CSGALNACT1: variants seen among roughly 807,000 people sequenced by gnomAD.
CSGALNACT1 encodes chondroitin sulfate N-acetylgalactosaminyltransferase 1, also known as beta4GalNAcT-1.
In CSGALNACT1, 52 loss-of-function variants were observed where a neutral mutation model predicts 51.0. The ratio of observed to expected loss-of-function variants is 1.02; its 90% confidence interval spans 0.82 to 1.29. The LOEUF (loss-of-function observed/expected upper bound fraction) is 1.29, where lower values mean the gene tolerates loss of function less well. Among genes scored for constraint, CSGALNACT1 ranks in the 50% most tolerant of loss-of-function variants. CSGALNACT1 has a pLI of 0.00. For synonymous variants in CSGALNACT1, 341 were observed against 254.4 expected, an observed-to-expected ratio of 1.34 and a Z score of -3.24; for missense variants, 935 against 679.2, an observed-to-expected ratio of 1.38 and a Z score of -4.19.
At chr8:19,509,695 A>C (rs990300927) in intron 3 of CSGALNACT1, among the ~76,000 whole-genome samples, 6 of 151,478 alleles carry the variant, frequency 4.0e-5, no homozygotes, top group African/African-American at 1.4e-4. Context: ...CACCTTGATG[A>C]GACATAACTG....
chr8:19,624,372 C>T (rs2054192001), intron 1 of CSGALNACT1, among the ~76,000 whole-genome samples: 1 of 152,202 alleles, frequency 6.6e-6, no homozygotes, highest in Admixed American at 6.5e-5. Context: ...TCCTACTGAA[C>T]TGCTTACATG....
At chr8:19,641,179 C>T (rs1351255429) in intron 1 of CSGALNACT1, among the ~76,000 whole-genome samples, 1 of 140,610 alleles carries the variant, frequency 7.1e-6, no homozygotes, top group Non-Finnish European at 1.5e-5. Flanking sequence ...CTCTCCCCTT[C>T]ACTTCTCCTC....
chr8:19,712,777 C>A (rs1174672386), intron 1 of CSGALNACT1, among the ~76,000 whole-genome samples: 2 of 152,148 alleles, frequency 1.3e-5, no homozygotes, highest in Non-Finnish European at 1.5e-5. Context: ...AGATGAGCAT[C>A]TCACTGAGGC....
chr8:19,480,193 T>C (rs373115380), intron 4 of CSGALNACT1, among the ~76,000 whole-genome samples: 22 of 152,342 alleles, frequency 1.4e-4, no homozygotes, highest in South Asian at 6.2e-4. Context: ...GAATTTATTG[T>C]ACAGATTATT....
intron 3 of CSGALNACT1, among the ~76,000 whole-genome samples, chr8:19,512,789 G>A (rs2078706166): frequency 6.6e-6 from 1 of 152,024 alleles, no homozygotes; most frequent in African/African-American, 2.4e-5. Flanking sequence ...CTTGAACAAT[G>A]GTCATTAATC....
At chr8:19,683,831 T>C (rs2060806199), upstream of CSGALNACT1, among the ~76,000 whole-genome samples, 1 of 152,000 alleles carries the variant, frequency 6.6e-6, no homozygotes, top group East Asian at 1.9e-4. Context: ...GGAAAAGCTA[T>C]TGAGGGACAG....
chr8:19,528,293 A>C (rs1397290381), intron 3 of CSGALNACT1, among the ~76,000 whole-genome samples: 1 of 151,984 alleles, frequency 6.6e-6, no homozygotes, highest in African/African-American at 2.4e-5. Context: ...AAAAAAAAGC[A>C]AGCAGCCCTT....
At chr8:19,539,351 A>T (rs1017240699) in intron 3 of CSGALNACT1, among the ~76,000 whole-genome samples, 1 of 152,168 alleles carries the variant, frequency 6.6e-6, no homozygotes, top group Non-Finnish European at 1.5e-5. Context: ...TCTGAAATTA[A>T]TCTTATTAAT....
chr8:19,609,742 T>C (rs575893178), intron 1 of CSGALNACT1, among the ~76,000 whole-genome samples: 1 of 152,264 alleles, frequency 6.6e-6, no homozygotes, highest in African/African-American at 2.4e-5. Context: ...TGGGGATGTA[T>C]ATATTTTCGA....
intron 6 of CSGALNACT1, among the ~76,000 whole-genome samples, chr8:19,435,044 C>G (rs1042645964): frequency 1.3e-5 from 2 of 152,168 alleles, no homozygotes; most frequent in African/African-American, 2.4e-5. Context: ...CACATACACT[C>G]TGGCAGGGCA....
intron 1 of CSGALNACT1, among the ~76,000 whole-genome samples, chr8:19,660,330 G>T (rs1349608881): frequency 6.6e-6 from 1 of 152,206 alleles, no homozygotes; most frequent in Non-Finnish European, 1.5e-5. Context: ...GATCTTAACT[G>T]CACAACCTCA....
intron 5 of CSGALNACT1, among the ~76,000 whole-genome samples, chr8:19,452,244 G>A (rs935661443): frequency 1.3e-5 from 2 of 152,216 alleles, no homozygotes; most frequent in African/African-American, 4.8e-5. Flanking sequence ...TCAGGTGAGA[G>A]AAGGCAGCCT....
chr8:19,591,703 C>T (rs757557917), intron 2 of CSGALNACT1, among the ~76,000 whole-genome samples: 48 of 151,892 alleles, frequency 3.2e-4, no homozygotes, highest in Non-Finnish European at 5.4e-4. Flanking sequence ...GCAGGAGGAT[C>T]GCTTAAGCCC....
chr8:19,450,019 A>T (rs942998852), intron 5 of CSGALNACT1, among the ~76,000 whole-genome samples: 2 of 142,442 alleles, frequency 1.4e-5, no homozygotes, highest in Admixed American at 1.4e-4. Flanking sequence ...CCGAAAACCA[A>T]ATTTGAGAAT....
chr8:19,498,505 A>G (rs1364466840), intron 4 of CSGALNACT1, among the ~76,000 whole-genome samples: 4 of 152,112 alleles, frequency 2.6e-5, no homozygotes, highest in African/African-American at 9.7e-5. Flanking sequence ...TCCCCTCCTA[A>G]GCCTGCAGCA....
intron 9 of CSGALNACT1, among the ~76,000 whole-genome samples, chr8:19,407,740 T>C (rs910748075): frequency 2.6e-5 from 4 of 152,262 alleles, no homozygotes; most frequent in South Asian, 2.1e-4. Flanking sequence ...TGTGTATGAA[T>C]TGTGTGTGCA....
intron 3 of CSGALNACT1, among the ~76,000 whole-genome samples, chr8:19,527,323 A>T (rs2081915885): frequency 6.6e-6 from 1 of 152,178 alleles, no homozygotes; most frequent in African/African-American, 2.4e-5. Flanking sequence ...AAAGAGGGCC[A>T]GGAACAGTGG....
chr8:19,665,625 C>T (rs2059120325), intron 1 of CSGALNACT1, among the ~76,000 whole-genome samples: 1 of 152,158 alleles, frequency 6.6e-6, no homozygotes, highest in Admixed American at 6.5e-5. Flanking sequence ...ACTTGCAAGC[C>T]TGGGGCAAAA....
At chr8:19,692,019 AAC>A (rs1272893710) in intron 1 of CSGALNACT1, among the ~76,000 whole-genome samples, 1 of 151,758 alleles carries the variant, frequency 6.6e-6, no homozygotes, top group East Asian at 1.9e-4. Flanking sequence ...AGGGGAAACA[AAC>A]ACATAGTTCT....
Sources: allele counts gnomAD v4.1 joint callset (sites outside exome capture counted in the v4.1 genomes callset), GRCh38; gene constraint gnomAD v4.1.1; transcripts MANE v1.5; gene names NCBI Gene and HGNC (gene_info 2026-07-23, HGNC 2026-07-21).